The following R3HDM2 variants were observed in gnomAD, a reference collection of about 807,000 sequenced individuals.
R3HDM2 encodes R3H domain containing 2.
R3HDM2 carries 38 observed loss-of-function variants against 124.5 expected under a neutral mutation model. The ratio of observed to expected loss-of-function variants is 0.31; its 90% CI spans 0.24 to 0.40. The LOEUF (loss-of-function observed/expected upper bound fraction) is 0.40. R3HDM2 is among the 10% of genes least tolerant of loss of function. The pLI, the probability that R3HDM2 is intolerant of heterozygous loss-of-function variation, is 1.00. For missense variants in R3HDM2, 869 were observed against 1,236.9 expected, an observed-to-expected ratio of 0.70 and a Z score of 4.46; for synonymous variants, 391 against 448.0, an observed-to-expected ratio of 0.87 and a Z score of 1.61.
chr12:57,315,343 A>G (rs1327157012), intron 2 of R3HDM2, among the ~76,000 whole-genome samples: 2 of 151,780 alleles, frequency 1.3e-5, no homozygotes, highest in African/African-American at 2.4e-5. Context: ...ACCCAGCCTA[A>G]TTTTTCTATT....
rs556805740 is a variant in R3HDM2 at position 57,263,561 on chromosome 12, T to G, written c.2131+3170A>C. On this transcript the variant is annotated intron_variant, in intron 19 of 23. Transcript: ENST00000402412. Reference sequence around the variant, plus strand: ...TCGGCTCACTGCAACCTCTGCCTCCTGGGTTCAAGCAATTCTCATGCCTCA... The same window carrying G: ...TCGGCTCACTGCAACCTCTGCCTCCGGGGTTCAAGCAATTCTCATGCCTCA... 3.8e-4 allele frequency among the ~76,000 whole-genome samples: 58 copies of G among 152,292 alleles called. 1 individual carries two copies. Among genetic ancestry groups the G allele is most frequent in the African/African-American group, 1.3e-3 (53 of 41,574 alleles).
At chr12:57,430,378 G>A (rs556630547) in intron 1 of R3HDM2, among the ~76,000 whole-genome samples, 2 of 152,066 alleles carry the variant, frequency 1.3e-5, no homozygotes, top group Admixed American at 6.6e-5. Context: ...CTCCACGCTC[G>A]AAGGAAAACC....
At chr12:57,288,824 T>C in intron 12 of R3HDM2, 185 bp downstream of exon 12, 2 of 1,506,428 alleles carry the variant, frequency 1.3e-6, no homozygotes, top group Non-Finnish European at 1.8e-6. Context: ...AAATTAAAAA[T>C]AAAAAGGAGA....
In R3HDM2 at chr12:57,296,951, T is replaced by C. The variant is rs1160261905; in HGVS notation, c.560+377A>G. The C allele has an allele frequency of 4.6e-6, 1 of 216,652 alleles. No individual in the cohort carries two copies. The highest frequency in any genetic ancestry group is 9.2e-6 in the Non-Finnish European group (1 of 108,960). 13.4% of individuals were successfully genotyped at this position (216,652 alleles called of 1,614,324 possible). A position where few individuals can be genotyped will look rare whatever the true frequency, so the allele number is the denominator to read the frequency against. ...TGTGCCTGTCATCCCAGCTACTCAA[T>C]GGCTGAGGCACAAGAATCACTTGAA... On this transcript the variant is annotated intron_variant, in intron 8 of 23. Transcript: ENST00000402412. The surrounding 1 kb of genome is among the most constrained non-coding windows in gnomAD (Gnocchi z 4.5).
Position 57,312,928 on chromosome 12 carries a change from CAA to C in R3HDM2, c.-35-2467_-35-2466del, listed in dbSNP as rs57500144. Among the ~76,000 whole-genome samples the C allele has an allele frequency of 7.3e-3, 366 of 49,820 alleles. 2 individuals are homozygous for C. Among genetic ancestry groups the C allele is most frequent in the African/African-American group, 0.023 (339 of 14,704 alleles). 32.7% of individuals were successfully genotyped at this position (49,820 alleles called of 152,430 possible). On this transcript the variant is annotated intron_variant, in intron 2 of 23. Transcript: ENST00000402412. ...TGGGTGACAGAGCAAGACTCTGGCTCAAAAAAAAAAAAAAAAAAAAAAAGTCA... is the reference window on the plus strand; with the variant it reads ...TGGGTGACAGAGCAAGACTCTGGCTCAAAAAAAAAAAAAAAAAAAAAGTCA...
chr12:57,319,202 A>G (rs1395544131), intron 2 of R3HDM2, among the ~76,000 whole-genome samples: 1 of 151,860 alleles, frequency 6.6e-6, no homozygotes, highest in Non-Finnish European at 1.5e-5. Context: ...TTTCCGGCTA[A>G]TTTTTGTACT....
At chr12:57,365,230 C>T (rs2062489102) in intron 2 of R3HDM2, among the ~76,000 whole-genome samples, 1 of 151,268 alleles carries the variant, frequency 6.6e-6, no homozygotes, top group Non-Finnish European at 1.5e-5. Context: ...TGCCACTGCA[C>T]TCCAGCCTGG....
chr12:57,399,198 T>C (rs2067836221), intron 1 of R3HDM2, among the ~76,000 whole-genome samples: 1 of 152,082 alleles, frequency 6.6e-6, no homozygotes, highest in African/African-American at 2.4e-5. Flanking sequence ...GGTCAGGAGT[T>C]TGAGACCAGC....
Position 57,404,617 on chromosome 12 carries a change from T to G in R3HDM2, c.-105-8799A>C, listed in dbSNP as rs562703094. ...ACTCAACAGGCTGAAACAGAATCAC[T>G]TGAACCCAGGAGGTGGAGGTTGCAG... On this transcript the variant is annotated intron_variant, in intron 1 of 23. Transcript: ENST00000402412. Among the ~76,000 whole-genome samples the G allele has an allele frequency of 5.1e-4, 78 of 152,252 alleles. No individual in the cohort carries two copies. The South Asian group carries it at 0.016, about 32-fold the overall frequency.
intron 2 of R3HDM2, among the ~76,000 whole-genome samples, chr12:57,337,584 G>A (rs1334159266): frequency 2.6e-5 from 4 of 152,090 alleles, no homozygotes; most frequent in Admixed American, 1.3e-4. Flanking sequence ...CTATCTGCAC[G>A]TTAAATTTCC....
In R3HDM2 at chr12:57,387,888, A is replaced by C. The variant is rs551363759; in HGVS notation, c.-36+7861T>G. Among the ~76,000 whole-genome samples, 23 of 152,344 alleles carry C rather than the reference A, an allele frequency of 1.5e-4. No individual in the cohort carries two copies. The South Asian group carries it at 4.8e-3, about 32-fold the overall frequency. The stretch of plus-strand genomic sequence containing the variant: ...TTTTAAACAGGGTCACAGAGGGAGA[A>C]AACACAATGAAAACAGTGGCAGAGT... On this transcript the variant is annotated intron_variant, in intron 2 of 23. Transcript: ENST00000402412.
intron 2 of R3HDM2, among the ~76,000 whole-genome samples, chr12:57,322,024 T>C (rs1304233196): frequency 6.6e-6 from 1 of 152,160 alleles, no homozygotes. Context: ...GGCCAGGAGT[T>C]CGAGACCAGC....
chr12:57,400,916 G>A (rs1465769415), intron 1 of R3HDM2, among the ~76,000 whole-genome samples: 1 of 152,038 alleles, frequency 6.6e-6, no homozygotes, highest in Non-Finnish European at 1.5e-5. Flanking sequence ...AAAAATAGTT[G>A]CTAAGCTGGG....
chr12:57,277,429 C>A (rs1402390912), intron 14 of R3HDM2, among the ~76,000 whole-genome samples: 2 of 151,948 alleles, frequency 1.3e-5, no homozygotes, highest in Non-Finnish European at 2.9e-5. Flanking sequence ...AGGTAACAAC[C>A]CTTCCTCAAA....
chr12:57,418,126 C>G (rs1288963932), intron 1 of R3HDM2: 1 of 981,892 alleles, frequency 1.0e-6, no homozygotes, highest in Non-Finnish European at 1.2e-6. Context: ...CCTCTAATCC[C>G]AAACCTACCC....
intron 2 of R3HDM2, among the ~76,000 whole-genome samples, chr12:57,346,467 A>C (rs1225664140): frequency 1.3e-5 from 2 of 152,160 alleles, no homozygotes; most frequent in Non-Finnish European, 2.9e-5. Flanking sequence ...TCAAAAACAA[A>C]AAAAAAAGAA....
intron 2 of R3HDM2, among the ~76,000 whole-genome samples, chr12:57,386,282 G>T (rs2065752934): frequency 6.6e-6 from 1 of 152,182 alleles, no homozygotes; most frequent in African/African-American, 2.4e-5. Context: ...GGCGGGAGCC[G>T]GCTCCCTCAG....
chr12:57,386,293 C>A (rs921265828), intron 2 of R3HDM2, among the ~76,000 whole-genome samples: 1 of 152,194 alleles, frequency 6.6e-6, no homozygotes, highest in South Asian at 2.1e-4. Context: ...GCTCCCTCAG[C>A]TTGCGGGGAG....
At chr12:57,394,445 A>G (rs1286901871) in intron 2 of R3HDM2, among the ~76,000 whole-genome samples, 2 of 152,074 alleles carry the variant, frequency 1.3e-5, no homozygotes, top group African/African-American at 4.8e-5. Context: ...CCCGTCTTGT[A>G]CTTGTAGTTC....
Sources: gnomAD v4.1 joint callset for allele counts (sites outside exome capture counted in the v4.1 genomes callset) on GRCh38, gnomAD v4.1.1 for gene constraint, Gnocchi (gnomAD v3.1) non-coding constraint, MANE v1.5 for transcripts, NCBI Gene and HGNC (gene_info 2026-07-23, HGNC 2026-07-21) for gene names.